Variants in ABTB2 observed in about 807,000 individuals in gnomAD.
ABTB2 encodes the protein ankyrin repeat and BTB domain containing 2, also known as ankyrin repeat and BTB/POZ domain-containing protein 2.
A neutral mutation model predicts 104.1 loss-of-function variants in ABTB2; 56 were observed. The ratio of observed to expected loss-of-function variants is 0.54; its 90% confidence interval spans 0.43 to 0.67. The LOEUF (loss-of-function observed/expected upper bound fraction) is 0.67. Among genes scored for constraint, ABTB2 ranks in the 30% least tolerant of loss-of-function variants. The probability of loss-of-function intolerance (pLI) is 0.00; values close to 1 mark genes in which losing one functional copy is unlikely to be tolerated. For synonymous variants in ABTB2, 606 were observed against 608.2 expected (o/e 1.00, Z 0.05); for missense variants, 1,279 against 1,407.7 (o/e 0.91, Z 1.46).
chr11:34,194,143 G>A (rs1048619555), intron 3 of ABTB2, among the ~76,000 whole-genome samples: 3 of 152,188 alleles, frequency 2.0e-5, no homozygotes, highest in Admixed American at 2.0e-4. Context: ...GCAGAAATAT[G>A]AGGACAGACT....
At chr11:34,322,337 A>T (rs1379067496) in intron 1 of ABTB2, among the ~76,000 whole-genome samples, 1 of 152,150 alleles carries the variant, frequency 6.6e-6, no homozygotes, top group Non-Finnish European at 1.5e-5. Flanking sequence ...GCACTTTGGG[A>T]GGTTGAGGAG....
In ABTB2 at chr11:34,357,243, C is replaced by G; in HGVS notation, c.341G>C (p.Gly114Ala). The part of the protein sequence containing the change: ...VARVLRKGAG[G>A]RRLPQFSAEA... ...GGCGGAGAACTGGGGCAGCCGCCGGCCGCCAGCGCCTTTGCGGAGCACCCG... is the reference window on the plus strand; with the variant it reads ...GGCGGAGAACTGGGGCAGCCGCCGGGCGCCAGCGCCTTTGCGGAGCACCCG... The change falls in exon 1 of 17, where the codon GGC (glycine) becomes GCC (alanine). Residue 114 changes from glycine to alanine, a missense_variant. Gly to Ala is a moderately conservative substitution (Grantham distance 60). Coordinates refer to ENST00000435224, the MANE Select transcript of ABTB2 (RefSeq NM_145804.3). The G allele has an allele frequency of 6.7e-7, 1 of 1,496,362 alleles. No individual in the cohort carries two copies. Among genetic ancestry groups the G allele is most frequent in the Non-Finnish European group, 8.9e-7 (1 of 1,129,198 alleles). 92.7% of individuals were successfully genotyped at this position (1,496,362 alleles called of 1,614,324 possible).
At chr11:34,193,896 C>A (rs1317677253) in intron 3 of ABTB2, among the ~76,000 whole-genome samples, 1 of 152,170 alleles carries the variant, frequency 6.6e-6, no homozygotes, top group African/African-American at 2.4e-5. Flanking sequence ...CTGCTTCTGC[C>A]CCTCCCTCCT....
intron 1 of ABTB2, among the ~76,000 whole-genome samples, chr11:34,213,104 C>A (rs1853503218): frequency 6.6e-6 from 1 of 152,200 alleles, no homozygotes; most frequent in South Asian, 2.1e-4. Context: ...CTGCCTCTCT[C>A]CCATCCAGCT....
rs546563808 is a variant in ABTB2 at position 34,157,176 on chromosome 11, C to G, written c.2697+2120G>C. 1.2e-4 allele frequency among the ~76,000 whole-genome samples: 18 copies of G among 152,312 alleles called. No individual in the cohort carries two copies. The South Asian group carries it at 1.5e-3, about 12-fold the overall frequency. ...ACCCCTCCAGGGAGGCCCGGAAAGT[C>G]GGAGCTGAGGTCTGGAAGCCCCATC... On this transcript the variant is annotated intron_variant, in intron 14 of 16. Coordinates refer to ENST00000435224, the MANE Select transcript of ABTB2 (RefSeq NM_145804.3).
intron 1 of ABTB2, among the ~76,000 whole-genome samples, chr11:34,266,365 A>G (rs1394306524): frequency 6.6e-6 from 1 of 152,216 alleles, no homozygotes; most frequent in Non-Finnish European, 1.5e-5. Context: ...GATTACAGGC[A>G]TAAGCCACTG....
intron 1 of ABTB2, among the ~76,000 whole-genome samples, chr11:34,211,105 A>G (rs955125111): frequency 5.3e-5 from 8 of 152,118 alleles, no homozygotes; most frequent in Admixed American, 3.3e-4. Context: ...AGGACAGTCA[A>G]TTCATTCTTT....
chr11:34,307,016 A>AAAG (rs1564928867), intron 1 of ABTB2, among the ~76,000 whole-genome samples: 1 of 150,098 alleles, frequency 6.7e-6, no homozygotes, highest in Non-Finnish European at 1.5e-5. Context: ...AAAGAAAAAA[A>AAAG]GCAGACGAAC....
intron 1 of ABTB2, among the ~76,000 whole-genome samples, chr11:34,286,586 C>A (rs191047217): frequency 1.2e-3 from 187 of 152,214 alleles, no homozygotes; most frequent in Non-Finnish European, 2.3e-3. Flanking sequence ...AGCCACCATG[C>A]CCGGCCTCAA....
rs921997241 is a variant in ABTB2, at chr11:34,252,645, C to T, written c.884-47955G>A. Among the ~76,000 whole-genome samples the T allele has an allele frequency of 6.6e-6, 1 of 152,166 alleles. No homozygotes were observed. The highest frequency in any genetic ancestry group is 6.5e-5 in the Admixed American group (1 of 15,288). On this transcript the variant is annotated intron_variant, in intron 1 of 16. Transcript: ENST00000435224. The surrounding 1 kb of genome is among the most constrained non-coding windows in gnomAD (Gnocchi z 5.5). ...GGGAGACAGCCTCCTGGTCCTGGTC[C>T]AGCACCTTCCTGAGGCTTAGAAGCT... is the stretch of plus-strand genomic sequence containing the variant.
intron 16 of ABTB2, among the ~76,000 whole-genome samples, chr11:34,153,502 G>C (rs1852577252): frequency 6.6e-6 from 1 of 152,112 alleles, no homozygotes; most frequent in Non-Finnish European, 1.5e-5. Flanking sequence ...CTGAGCAACT[G>C]GGACCACAGA....
At chr11:34,277,547 G>A (rs1172698275) in intron 1 of ABTB2, among the ~76,000 whole-genome samples, 2 of 151,512 alleles carry the variant, frequency 1.3e-5, no homozygotes, top group Admixed American at 1.3e-4. Context: ...ACTTTGGGAG[G>A]CCAAGGTGGG....
intron 16 of ABTB2, among the ~76,000 whole-genome samples, 180 bp from the exon 17 acceptor site, chr11:34,152,764 C>T (rs1294275221): frequency 6.6e-6 from 1 of 152,190 alleles, no homozygotes; most frequent in East Asian, 1.9e-4. Flanking sequence ...TGTTCAGCCC[C>T]CGTCATTTTC....
intron 1 of ABTB2, among the ~76,000 whole-genome samples, chr11:34,307,729 C>T (rs1204658483): frequency 3.3e-5 from 5 of 150,020 alleles, no homozygotes; most frequent in East Asian, 3.9e-4. Context: ...GACGGAGTCT[C>T]GCTCTGTCGC....
intron 1 of ABTB2, among the ~76,000 whole-genome samples, chr11:34,290,326 C>T (rs1190561439): frequency 1.3e-5 from 2 of 152,208 alleles, no homozygotes; most frequent in African/African-American, 2.4e-5. Flanking sequence ...GCAGAGAAGG[C>T]CAAAAGTTTC....
Position 34,159,349 on chromosome 11 carries a change from C to T in ABTB2, c.2644G>A (p.Gly882Arg), listed in dbSNP as rs1467639458. Residue 882 changes from glycine to arginine, a missense_variant, in exon 14 of 17, where the codon GGG becomes AGG. Gly to Arg is a moderately radical substitution (Grantham distance 125). Transcript: ENST00000435224. ...TLMTNKSEQD[G>R]DSSKTIEISD... ...ATCTCGATGGTCTTGCTGCTGTCCC[C>T]ATCCTGTTCTGATTTATTGGTCATT... is the stretch of plus-strand genomic sequence containing the variant. 1 of 1,613,936 alleles carries T rather than the reference C, an allele frequency of 6.2e-7. No individual in the cohort carries two copies.
chr11:34,193,229 C>T (rs1470900413), intron 3 of ABTB2, among the ~76,000 whole-genome samples: 1 of 152,250 alleles, frequency 6.6e-6, no homozygotes, highest in African/African-American at 2.4e-5. Context: ...ACACACCCTG[C>T]AGGGCAGCAG....
rs962745857 is a variant in ABTB2 at position 34,193,711 on chromosome 11, A to G, written c.1244+3614T>C. On this transcript the variant is annotated intron_variant, in intron 3 of 16. Transcript: ENST00000435224. Reference sequence around the variant, plus strand: ...TTTGTCCTACCGGATAGAATTACTTAGCCCCATTTTACAGGTGAGGAGCCT... The same window carrying G: ...TTTGTCCTACCGGATAGAATTACTTGGCCCCATTTTACAGGTGAGGAGCCT... Among the ~76,000 whole-genome samples the G allele has an allele frequency of 2.2e-4, 34 of 152,378 alleles. 1 individual carries two copies. Among genetic ancestry groups the G allele is most frequent in the African/African-American group, 7.5e-4 (31 of 41,598 alleles).
chr11:34,259,665 A>C (rs1452022639), intron 1 of ABTB2, among the ~76,000 whole-genome samples: 1 of 152,200 alleles, frequency 6.6e-6, no homozygotes, highest in Non-Finnish European at 1.5e-5. Context: ...AAGAAAGGTG[A>C]CCGGTTACAT....
Sources: allele counts gnomAD v4.1 joint callset (sites outside exome capture counted in the v4.1 genomes callset), GRCh38; gene constraint gnomAD v4.1.1; non-coding constraint Gnocchi (gnomAD v3.1); transcripts MANE v1.5; gene names NCBI Gene and HGNC (gene_info 2026-07-23, HGNC 2026-07-21).